The following QDPR variants were observed in gnomAD, a reference collection of about 807,000 sequenced individuals.
The protein encoded by QDPR is dihydropteridine reductase.
QDPR carries 23 observed loss-of-function variants against 31.7 expected under a neutral mutation model. That is an observed-to-expected ratio of 0.73 (90% CI 0.52 to 1.03). The LOEUF (loss-of-function observed/expected upper bound fraction) is 1.03, where lower values mean the gene tolerates loss of function less well. QDPR is among the 50% of genes least tolerant of loss of function. The pLI is 0.00. For missense variants in QDPR, 324 were observed against 323.8 expected, an observed-to-expected ratio of 1.00 and a Z score of 0.00; for synonymous variants, 124 against 124.7, an observed-to-expected ratio of 0.99 and a Z score of 0.03.
intron 4 of QDPR, among the ~76,000 whole-genome samples, chr4:17,494,350 T>C (rs536994741): frequency 2.6e-5 from 4 of 152,120 alleles, no homozygotes; most frequent in Non-Finnish European, 5.9e-5. Flanking sequence ...CAGCAACTTA[T>C]AGAGATGATC....
At chr4:17,504,189 C>T (rs1225259897) in intron 3 of QDPR, among the ~76,000 whole-genome samples, 190 bp downstream of exon 3, 3 of 152,152 alleles carry the variant, frequency 2.0e-5, no homozygotes, top group Non-Finnish European at 4.4e-5. Flanking sequence ...CCCCTCACGT[C>T]CTCCAGGGGA....
chr4:17,498,759 T>C (rs1718452020), intron 4 of QDPR, among the ~76,000 whole-genome samples: 1 of 152,154 alleles, frequency 6.6e-6, no homozygotes, highest in East Asian at 1.9e-4. Flanking sequence ...AGTCTAGAAA[T>C]ACAAACTTGG....
chr4:17,488,306 AAG>A (rs1718042155), intron 6 of QDPR, among the ~76,000 whole-genome samples: 3 of 152,186 alleles, frequency 2.0e-5, no homozygotes, highest in South Asian at 2.1e-4. Context: ...AGTTCATTCA[AAG>A]AGAGAGACAC....
chr4:17,504,238 A>G, intron 3 of QDPR, 141 bp downstream of exon 3: 1 of 737,834 alleles, frequency 1.4e-6, no homozygotes, highest in Non-Finnish European at 2.4e-6. Flanking sequence ...AAGAGCATTA[A>G]TCACTCTCTC....
chr4:17,496,262 G>A (rs1022107511), intron 4 of QDPR, among the ~76,000 whole-genome samples: 1 of 151,532 alleles, frequency 6.6e-6, no homozygotes, highest in Non-Finnish European at 1.5e-5. Context: ...CCTGACCAAC[G>A]TGGGGAAACT....
At position 17,486,739 on chromosome 4, in the gene QDPR, T is replaced by C. The variant is rs1348157372; in HGVS notation, c.*392A>G. 4.0e-6 allele frequency: 1 copy of C among 248,956 alleles called. No homozygotes were observed. Among genetic ancestry groups the C allele is most frequent in the Non-Finnish European group, 7.9e-6 (1 of 125,962 alleles). 15.4% of individuals were successfully genotyped at this position (248,956 alleles called of 1,614,324 possible). ...GAAAACTACGTCTATGACATAAACA[T>C]GACATTCAAAAATAACTCAGCCTTT... On this transcript the variant is annotated 3_prime_UTR_variant, in exon 7 of 7. Coordinates refer to ENST00000281243, the MANE Select transcript of QDPR (RefSeq NM_000320.3).
At chr4:17,503,181 T>C (rs543814112) in intron 3 of QDPR, among the ~76,000 whole-genome samples, 1 of 152,360 alleles carries the variant, frequency 6.6e-6, no homozygotes, top group Admixed American at 6.5e-5. Context: ...AGACATGCTA[T>C]ATGAAAACTC....
In QDPR at chr4:17,501,841, T is replaced by C. The variant is rs1269736545; in HGVS notation, c.314A>G (p.Asp105Gly). ...AKSKSLFKNC[D>G]LMWKQSIWTS... ...CCATATGCTCTGCTTCCACATCAGG[T>C]CACAGTTCTTAAAGAGAGCTGAGTG... is the stretch of plus-strand genomic sequence containing the variant. Residue 105 changes from aspartate (D) to glycine (G), a missense_variant, in exon 4 of 7, where the codon GAC becomes GGC. Transcript: ENST00000281243. 1 of 1,614,136 alleles carries C rather than the reference T, an allele frequency of 6.2e-7. No homozygotes were observed. The highest frequency in any genetic ancestry group is 8.5e-7 in the Non-Finnish European group (1 of 1,180,016).
At chr4:17,501,470 A>G (rs1718558393) in intron 4 of QDPR, among the ~76,000 whole-genome samples, 3 of 111,214 alleles carry the variant, frequency 2.7e-5, no homozygotes, top group Admixed American at 8.6e-5. Context: ...ATCACAGATA[A>G]ATAAACTAAA....
chr4:17,487,023 A>G lies in QDPR; in HGVS notation c.*108T>C. 1 of 852,678 alleles carries G rather than the reference A, an allele frequency of 1.2e-6. No homozygotes were observed. The highest frequency in any genetic ancestry group is 1.4e-5 in the South Asian group (1 of 72,708). The allele number at this position is 852,678 out of a possible 1,614,324, so 52.8% of individuals were successfully genotyped here. On this transcript the variant is annotated 3_prime_UTR_variant, in exon 7 of 7. Transcript: ENST00000281243. The stretch of plus-strand genomic sequence containing the variant: ...ATGTGAGAGAAAAATAGGACTCATT[A>G]TCTCGTACCACAAACAGGGGTTACA...
At chr4:17,490,608 G>T in intron 6 of QDPR, 54 bp downstream of exon 6, 1 of 1,435,194 alleles carries the variant, frequency 7.0e-7, no homozygotes, top group Non-Finnish European at 9.8e-7. Context: ...ACCACAGCAG[G>T]CAGAGAATAG....
chr4:17,504,605 G>C lies in QDPR; in HGVS notation c.199-130C>G, dbSNP rs1007933555. ...TACAGTACCTGGCAATTAATGCTTT[G>C]AGAATTAGACGGAAGACTAAGCTCT... is the stretch of plus-strand genomic sequence containing the variant. On this transcript the variant is annotated intron_variant, in intron 2 of 6. Coordinates refer to ENST00000281243, the MANE Select transcript of QDPR (RefSeq NM_000320.3). The C allele has an allele frequency of 1.4e-5, 11 of 770,826 alleles. No individual in the cohort carries two copies. In the South Asian group the frequency reaches 1.6e-4, roughly 11 times the overall value. The allele number at this position is 770,826 out of a possible 1,614,324, so 47.7% of individuals were successfully genotyped here.
chr4:17,495,561 TA>T (rs1718320558), intron 4 of QDPR, among the ~76,000 whole-genome samples: 1 of 152,160 alleles, frequency 6.6e-6, no homozygotes, highest in Non-Finnish European at 1.5e-5. Flanking sequence ...AATGCTAAGC[TA>T]AATAGGCTTT....
intron 1 of QDPR, chr4:17,510,002 A>C: frequency 2.2e-6 from 1 of 455,992 alleles, no homozygotes; most frequent in Non-Finnish European, 4.4e-6. Flanking sequence ...ACACAGCAAT[A>C]AATAGGGGGA....
chr4:17,505,212 T>C (rs1718716071), intron 2 of QDPR, among the ~76,000 whole-genome samples: 1 of 151,776 alleles, frequency 6.6e-6, no homozygotes, highest in Non-Finnish European at 1.5e-5. Context: ...AAATCCCAAT[T>C]GCTTCATTAA....
intron 4 of QDPR, among the ~76,000 whole-genome samples, chr4:17,501,343 A>G (rs759429069): frequency 2.6e-5 from 4 of 152,176 alleles, no homozygotes; most frequent in Non-Finnish European, 5.9e-5. Context: ...CTCATTTTAA[A>G]CTTATGCTAT....
chr4:17,508,846 G>A (rs1414645977), intron 2 of QDPR, among the ~76,000 whole-genome samples: 4 of 151,994 alleles, frequency 2.6e-5, no homozygotes, highest in Non-Finnish European at 5.9e-5. Flanking sequence ...CCTAGTTAGA[G>A]AAACAACAGC....
intron 1 of QDPR, among the ~76,000 whole-genome samples, chr4:17,511,439 A>C (rs1719003043): frequency 6.6e-6 from 1 of 152,334 alleles, no homozygotes; most frequent in African/African-American, 2.4e-5. Context: ...GCATTTAAAC[A>C]GTTTTTACCA....
At chr4:17,495,922 C>T (rs1037164153) in intron 4 of QDPR, among the ~76,000 whole-genome samples, 10 of 151,940 alleles carry the variant, frequency 6.6e-5, no homozygotes, top group East Asian at 1.9e-4. Context: ...GGTGGAAAGA[C>T]GGCTGGAGCC....
Sources: allele counts gnomAD v4.1 joint callset (sites outside exome capture counted in the v4.1 genomes callset), GRCh38; gene constraint gnomAD v4.1.1; transcripts MANE v1.5; gene names NCBI Gene and HGNC (gene_info 2026-07-23, HGNC 2026-07-21).